Variants in CAMTA2 observed in about 807,000 individuals in gnomAD.
CAMTA2 encodes calmodulin-binding transcription activator 2.
CAMTA2 carries 56 observed loss-of-function variants against 135.7 expected under a neutral mutation model. The observed-to-expected ratio is 0.41, with a 90% CI of 0.33 to 0.52. The LOEUF is 0.52. Among genes scored for constraint, CAMTA2 ranks in the 20% least tolerant of loss-of-function variants. CAMTA2 has a pLI of 0.16. For synonymous variants in CAMTA2, 591 were observed against 604.6 expected, an observed-to-expected ratio of 0.98 and a Z score of 0.33; for missense variants, 1,358 against 1,553.4, an observed-to-expected ratio of 0.87 and a Z score of 2.11.
chr17:4,971,691 C>CTTT (rs748274165), intron 16 of CAMTA2, among the ~76,000 whole-genome samples: 18 of 131,830 alleles, frequency 1.4e-4, no homozygotes, highest in Non-Finnish European at 2.1e-4. Flanking sequence ...ACTATTTTGT[C>CTTT]TTTTTTTTTT....
At chr17:4,975,187 G>A (rs577438563) in intron 11 of CAMTA2, among the ~76,000 whole-genome samples, 1 of 152,270 alleles carries the variant, frequency 6.6e-6, no homozygotes, top group South Asian at 2.1e-4. Flanking sequence ...GGGGATCAGA[G>A]CTGTAGGAAA....
intron 5 of CAMTA2, chr17:4,982,374 T>A (rs1973010506): frequency 1.7e-6 from 1 of 597,642 alleles, no homozygotes; most frequent in Admixed American, 2.9e-5. Context: ...AGGACCAGAT[T>A]TGAGATACGG....
intron 10 of CAMTA2, among the ~76,000 whole-genome samples, chr17:4,977,769 G>A (rs1223255574): frequency 6.6e-6 from 1 of 152,234 alleles, no homozygotes; most frequent in Non-Finnish European, 1.5e-5. Flanking sequence ...TGTCACTTTG[G>A]TGGTCCTTGA....
Position 4,972,440 on chromosome 17 carries a change from G to A in CAMTA2, c.2600C>T (p.Ala867Val), listed in dbSNP as rs1972351116. ...SSAPDGSPPP[A>V]PLPASEMTME... ...AGTCATCTCAGAGGCTGGCAGAGGT[G>A]CAGGGGGGGGACTGCCATCTGGGGC... The change falls in exon 16 of 23, where the codon GCA becomes GTA. Residue 867 changes from alanine to valine, a missense_variant. Ala to Val is a moderately conservative substitution (Grantham distance 64). Coordinates refer to ENST00000348066, the MANE Select transcript of CAMTA2 (RefSeq NM_015099.4). 2 of 1,613,656 alleles carry A rather than the reference G, an allele frequency of 1.2e-6. No individual in the cohort carries two copies. Among genetic ancestry groups the A allele is most frequent in the African/African-American group, 1.3e-5 (1 of 74,930 alleles).
chr17:4,982,435 C>T (rs1434944061), intron 5 of CAMTA2, among the ~76,000 whole-genome samples: 2 of 152,162 alleles, frequency 1.3e-5, no homozygotes, highest in Non-Finnish European at 2.9e-5. Context: ...AGATGAGGGG[C>T]AATGATTTGG....
At chr17:4,983,423 C>T (rs552385745) in intron 3 of CAMTA2, among the ~76,000 whole-genome samples, 3 of 151,716 alleles carry the variant, frequency 2.0e-5, no homozygotes, top group African/African-American at 7.3e-5. Flanking sequence ...GCTGGGATTA[C>T]AGGCATGCGC....
Position 4,981,755 on chromosome 17 carries a change from A to G in CAMTA2, c.488T>C (p.Phe163Ser), listed in dbSNP as rs1353526164. The change falls in exon 7 of 23, where the codon TTT (phenylalanine) becomes TCT (serine). Residue 163 changes from phenylalanine (F) to serine (S), a missense_variant. Phe to Ser is a radical substitution (Grantham distance 155). This residue lies in a region of CAMTA2 where 1,077 missense variants were observed against 1,127.5 expected (regional missense o/e 0.96). Coordinates refer to ENST00000348066, the MANE Select transcript of CAMTA2 (RefSeq NM_015099.4). ...TCGACGGTCGCTGCTGATGGAACAAAAGATGGGGCTGCAGCCCTTTCCACA... is the reference window on the plus strand; with the variant it reads ...TCGACGGTCGCTGCTGATGGAACAAGAGATGGGGCTGCAGCCCTTTCCACA... ...EDCGKGCSPIFCSISSDRREW... is the reference protein window; with the variant it reads ...EDCGKGCSPISCSISSDRREW... 5.0e-6 allele frequency: 8 copies of G among 1,613,706 alleles called. No individual in the cohort carries two copies. The highest frequency in any genetic ancestry group is 6.8e-6 in the Non-Finnish European group (8 of 1,179,800).
intron 3 of CAMTA2, among the ~76,000 whole-genome samples, chr17:4,983,981 C>T (rs563820984): frequency 2.6e-4 from 38 of 149,010 alleles, no homozygotes; most frequent in African/African-American, 7.4e-4. Context: ...GACAGAGTCT[C>T]GCTCTGTCAC....
Position 4,969,392 on chromosome 17 carries a change from G to A in CAMTA2, c.3283-55C>T. The stretch of plus-strand genomic sequence containing the variant: ...TGAAATAGAGGGACGGAGACCCAAA[G>A]CCCTGAGGCTCACCCAAGTTAGGCT... On this transcript the variant is annotated intron_variant, in intron 20 of 22. Transcript: ENST00000348066. This position sits in a 1 kb window ranked among gnomAD's most constrained non-coding sequence, Gnocchi z 5.6. 6.2e-7 allele frequency: 1 copy of A among 1,608,588 alleles called. No homozygotes were observed. The highest frequency in any genetic ancestry group is 1.7e-5 in the Admixed American group (1 of 60,022).
In CAMTA2 at chr17:4,981,742, G is replaced by A; in HGVS notation, c.501C>T (p.Ser167=). The A allele has an allele frequency of 6.2e-7, 1 of 1,613,754 alleles. No individual in the cohort carries two copies. Residue 167 remains serine, a synonymous_variant, in exon 7 of 23, where the codon AGC becomes AGT. Coordinates refer to ENST00000348066, the MANE Select transcript of CAMTA2 (RefSeq NM_015099.4). ...ACTTCAGCCACTCTCGACGGTCGCT[G>A]CTGATGGAACAAAAGATGGGGCTGC... ...KGCSPIFCSI[S]SDRREWLKWS... is the part of the protein sequence containing the mutation.
At position 4,970,518 on chromosome 17, in the gene CAMTA2, C is replaced by T; in HGVS notation, c.2827G>A (p.Ala943Thr). 1.2e-6 allele frequency: 2 copies of T among 1,611,290 alleles called. No homozygotes were observed. The highest frequency in any genetic ancestry group is 1.7e-6 in the Non-Finnish European group (2 of 1,179,906). The change falls in exon 17 of 23, where the codon GCC becomes ACC. Residue 943 changes from alanine to threonine, a missense_variant. Transcript: ENST00000348066. Reference protein sequence around the residue: ...DVIPVDMISLAKQIIEATPER... With the variant: ...DVIPVDMISLTKQIIEATPER... The stretch of plus-strand genomic sequence containing the variant: ...GGTGTGGCTTCGATGATCTGCTTGG[C>T]TAGTGAGATCATGTCCACCTGGAAG...
intron 3 of CAMTA2, 164 bp from the exon 4 acceptor site, chr17:4,983,207 C>G (rs918150759): frequency 4.9e-6 from 3 of 617,150 alleles, no homozygotes; most frequent in Admixed American, 5.8e-5. Context: ...TCCTAAGAAC[C>G]CTTCTTTTGT....
chr17:4,974,173 T>A (rs1413291594), intron 12 of CAMTA2: 1 of 558,310 alleles, frequency 1.8e-6, no homozygotes, highest in Non-Finnish European at 3.2e-6. Flanking sequence ...AGACCAGAAA[T>A]AGTCTGAAGC....
intron 10 of CAMTA2, 101 bp downstream of exon 10, chr17:4,978,400 AAAC>A: frequency 7.6e-7 from 1 of 1,316,066 alleles, no homozygotes; most frequent in Non-Finnish European, 1.1e-6. Context: ...TGTGCTCTCA[AAAC>A]AACCCATTTG....
rs199714272 is a variant in CAMTA2 at position 4,972,342 on chromosome 17, C to T, written c.2698G>A (p.Ala900Thr). 1.2e-6 allele frequency: 2 copies of T among 1,613,626 alleles called. No individual in the cohort carries two copies. The highest frequency in any genetic ancestry group is 1.7e-4 in the Middle Eastern group (1 of 6,060). The change falls in exon 16 of 23, where the codon GCT becomes ACT. Residue 900 changes from alanine to threonine, a missense_variant. By Grantham distance (58) the Ala-to-Thr change is moderately conservative. Transcript: ENST00000348066. ...EAPLLLMDYEATNSKGPLSSL... is the reference protein window; with the variant it reads ...EAPLLLMDYETTNSKGPLSSL... ...GAGAGGGGCCCCTTGGAGTTGGTAG[C>T]CTCATAGTCCATGAGGAGTAGGGGG...
chr17:4,970,156 C>T (rs1196165952), intron 17 of CAMTA2, 71 bp from the exon 18 acceptor site: 19 of 1,485,086 alleles, frequency 1.3e-5, no homozygotes, highest in Admixed American at 7.0e-5. Flanking sequence ...TGGATGGCTA[C>T]GAAGGAAAAC....
At chr17:4,974,608 C>G (rs1972507535) in intron 11 of CAMTA2, 108 bp from the exon 12 acceptor site, 2 of 693,350 alleles carry the variant, frequency 2.9e-6, no homozygotes, top group African/African-American at 1.8e-5. Context: ...GAACCATATT[C>G]TTTTATCTTC....
Position 4,969,180 on chromosome 17 carries a change from C to G in CAMTA2, c.3440G>C (p.Arg1147Pro). The G allele has an allele frequency of 6.2e-7, 1 of 1,610,154 alleles. No individual in the cohort carries two copies. Among genetic ancestry groups the G allele is most frequent in the East Asian group, 2.2e-5 (1 of 44,874 alleles). The change falls in exon 21 of 23, where the codon CGG becomes CCG. Residue 1147 changes from arginine to proline, a missense_variant. Transcript: ENST00000348066. The surrounding 1 kb of genome is among the most constrained non-coding windows in gnomAD (Gnocchi z 5.6). The stretch of plus-strand genomic sequence containing the variant: ...GCGGGCAGGCAGGGTGGCCGAAGTC[C>G]GGTGGGGAGGGCCGGGCCTGCGGCG... ...SYRRRPGPPH[R>P]TSATLPARNK... is the part of the protein sequence containing the mutation.
In CAMTA2 at chr17:4,973,612, CGGGCATAGCCCT is replaced by C; in HGVS notation, c.2162_2173del (p.Gln721_Ala724del). Reference sequence around the variant, plus strand: ...CCACTGGCTCAGGGTCTCGATGAGGCGGGCATAGCCCTGGGCAGCAGCCAGGTGCAGAAGGCT... The same window carrying C: ...CCACTGGCTCAGGGTCTCGATGAGGCGGGCAGCAGCCAGGTGCAGAAGGCT... On this transcript the variant is annotated inframe_deletion, in exon 13 of 23. Transcript: ENST00000348066. The C allele has an allele frequency of 6.2e-7, 1 of 1,613,378 alleles. No individual in the cohort carries two copies. Among genetic ancestry groups the C allele is most frequent in the Non-Finnish European group, 8.5e-7 (1 of 1,179,882 alleles).
Sources: gnomAD v4.1 joint callset for allele counts (sites outside exome capture counted in the v4.1 genomes callset) on GRCh38, gnomAD v4.1.1 for gene constraint, gnomAD v4.1.1 regional missense constraint, Gnocchi (gnomAD v3.1) non-coding constraint, MANE v1.5 for transcripts, NCBI Gene and HGNC (gene_info 2026-07-23, HGNC 2026-07-21) for gene names.